The following GRIK2 variants were observed in gnomAD, a reference collection of about 807,000 sequenced individuals.
GRIK2 encodes glutamate ionotropic receptor kainate type subunit 2, also known as glutamate receptor ionotropic, kainate 2.
A neutral mutation model predicts 100.3 loss-of-function variants in GRIK2; 32 were observed. That is an observed-to-expected ratio of 0.32 (90% CI 0.24 to 0.43). GRIK2 has a LOEUF of 0.43. GRIK2 is among the 20% of genes least tolerant of loss of function. The pLI is 1.00. For synonymous variants in GRIK2, 417 were observed against 389.4 expected, an observed-to-expected ratio of 1.07 and a Z score of -0.83; for missense variants, 843 against 1,114.9, an observed-to-expected ratio of 0.76 and a Z score of 3.47.
intron 2 of GRIK2, among the ~76,000 whole-genome samples, chr6:101,531,318 C>T (rs1001064562): frequency 1.3e-5 from 2 of 151,780 alleles, no homozygotes; most frequent in African/African-American, 2.4e-5. Flanking sequence ...AGAAAAGGAC[C>T]AGGTCTCATC....
At chr6:101,430,951 C>T (rs1769348848) in intron 2 of GRIK2, 1 of 310,292 alleles carries the variant, frequency 3.2e-6, no homozygotes, top group Non-Finnish European at 6.6e-6. Flanking sequence ...TAGGGAAAGG[C>T]ATAGCCCTCA....
intron 15 of GRIK2, among the ~76,000 whole-genome samples, chr6:102,053,091 AAC>A (rs148536098): frequency 3.2e-4 from 48 of 149,230 alleles, no homozygotes; most frequent in East Asian, 8.0e-4. Context: ...CAACAACAAC[AAC>A]ACACACACAC....
At chr6:101,921,556 T>A (rs1215875300) in intron 12 of GRIK2, among the ~76,000 whole-genome samples, 1 of 151,980 alleles carries the variant, frequency 6.6e-6, no homozygotes, top group Non-Finnish European at 1.5e-5. Context: ...AGTGGGACAG[T>A]CAATCTTAGA....
intron 14 of GRIK2, among the ~76,000 whole-genome samples, chr6:102,024,675 C>T (rs1441623859): frequency 6.6e-6 from 1 of 151,210 alleles, no homozygotes; most frequent in Non-Finnish European, 1.5e-5. Context: ...GTGTGAAATA[C>T]ATTTTTCATT....
intron 4 of GRIK2, among the ~76,000 whole-genome samples, chr6:101,634,462 G>A (rs1348738770): frequency 1.3e-5 from 2 of 152,060 alleles, no homozygotes; most frequent in Non-Finnish European, 2.9e-5. Flanking sequence ...CAGTGGTATT[G>A]TATATATCAT....
chr6:101,811,145 T>C (rs1011779885), intron 9 of GRIK2, among the ~76,000 whole-genome samples: 1 of 152,054 alleles, frequency 6.6e-6, no homozygotes, highest in Non-Finnish European at 1.5e-5. Flanking sequence ...GGGCAACTCA[T>C]TACTGGAAAG....
At chr6:101,458,552 T>G (rs1046872255) in intron 2 of GRIK2, among the ~76,000 whole-genome samples, 1 of 152,196 alleles carries the variant, frequency 6.6e-6, no homozygotes, top group African/African-American at 2.4e-5. Context: ...GTAACTGACA[T>G]TCACTGACTC....
In GRIK2 at chr6:102,018,978, G is replaced by A. The variant is rs563922971; in HGVS notation, c.2086-16363G>A. On this transcript the variant is annotated intron_variant, in intron 14 of 16. Coordinates refer to ENST00000369134, the MANE Select transcript of GRIK2 (RefSeq NM_021956.5). ...AAATTTTTAAATTATTTTTTTCTGC[G>A]AAGGGGTTTGAAATAATAGTTTTGT... Among the ~76,000 whole-genome samples, 166 of 152,012 alleles carry A rather than the reference G, an allele frequency of 1.1e-3. 1 individual carries two copies. Among genetic ancestry groups the A allele is most frequent in the Middle Eastern group, 3.4e-3 (1 of 292 alleles).
intron 3 of GRIK2, among the ~76,000 whole-genome samples, chr6:101,624,882 G>A (rs1582846403): frequency 6.6e-6 from 1 of 152,122 alleles, no homozygotes; most frequent in East Asian, 1.9e-4. Context: ...TAGGCACACA[G>A]CACCATGCCC....
At chr6:101,399,913 C>T (rs931970719) in intron 2 of GRIK2, among the ~76,000 whole-genome samples, 3 of 152,190 alleles carry the variant, frequency 2.0e-5, no homozygotes, top group Non-Finnish European at 4.4e-5. Flanking sequence ...AGAGCCTTTT[C>T]GATTGTTTTC....
intron 11 of GRIK2, among the ~76,000 whole-genome samples, chr6:101,885,546 A>G (rs915866548): frequency 2.0e-5 from 3 of 152,126 alleles, no homozygotes; most frequent in Non-Finnish European, 4.4e-5. Context: ...GTGAGTATCA[A>G]TAGAGGTGAA....
chr6:101,580,623 T>G (rs1778031311), intron 2 of GRIK2, among the ~76,000 whole-genome samples: 1 of 152,058 alleles, frequency 6.6e-6, no homozygotes, highest in Non-Finnish European at 1.5e-5. Context: ...CTGGAAAAAG[T>G]CAAAATCCCA....
intron 2 of GRIK2, among the ~76,000 whole-genome samples, chr6:101,502,995 G>A (rs542729707): frequency 6.6e-6 from 1 of 152,194 alleles, no homozygotes; most frequent in Admixed American, 6.5e-5. Flanking sequence ...GCTCTATTGA[G>A]GAATAACAGA....
intron 9 of GRIK2, among the ~76,000 whole-genome samples, chr6:101,814,430 A>G (rs1200315184): frequency 2.0e-5 from 3 of 152,104 alleles, no homozygotes; most frequent in Non-Finnish European, 4.4e-5. Context: ...TACGTAAAAC[A>G]AAGTAATTGA....
chr6:101,667,677 A>ATCT (rs1319825135), intron 4 of GRIK2, among the ~76,000 whole-genome samples: 2 of 152,194 alleles, frequency 1.3e-5, no homozygotes, highest in Admixed American at 6.6e-5. Context: ...AGAATGTATC[A>ATCT]TCTATACTGT....
chr6:101,822,010 C>G (rs1359209348), intron 10 of GRIK2, among the ~76,000 whole-genome samples: 2 of 152,056 alleles, frequency 1.3e-5, no homozygotes, highest in Non-Finnish European at 2.9e-5. Context: ...TCAGCACTAT[C>G]CACAAGCTAA....
chr6:101,885,261 T>C (rs148882902), intron 11 of GRIK2, among the ~76,000 whole-genome samples: 12 of 152,066 alleles, frequency 7.9e-5, no homozygotes, highest in Non-Finnish European at 1.5e-4. Flanking sequence ...GGATAGAGTA[T>C]TCAGGAGGAA....
intron 2 of GRIK2, among the ~76,000 whole-genome samples, chr6:101,584,822 A>G (rs761692534): frequency 8.2e-6 from 1 of 121,296 alleles, no homozygotes; most frequent in African/African-American, 3.2e-5. Flanking sequence ...ATTTACAACT[A>G]TGTACACACA....
chr6:101,465,419 C>G (rs568557870), intron 2 of GRIK2, among the ~76,000 whole-genome samples: 39 of 152,126 alleles, frequency 2.6e-4, no homozygotes, highest in Non-Finnish European at 5.0e-4. Flanking sequence ...GCCTCCAGTC[C>G]CATCCATGTT....
Sources: allele counts gnomAD v4.1 joint callset (sites outside exome capture counted in the v4.1 genomes callset), GRCh38; gene constraint gnomAD v4.1.1; transcripts MANE v1.5; gene names NCBI Gene and HGNC (gene_info 2026-07-23, HGNC 2026-07-21).